The following ATP6V1G1 variants were observed in gnomAD, a reference collection of about 807,000 sequenced individuals.
ATP6V1G1 encodes the protein V-type proton ATPase subunit G 1.
ATP6V1G1 carries 14 observed loss-of-function variants against 14.2 expected under a neutral mutation model. The ratio of observed to expected loss-of-function variants is 0.99; its 90% CI spans 0.65 to 1.55. The LOEUF is 1.55. Ranked by LOEUF, ATP6V1G1 falls within the 40% of genes most tolerant of loss-of-function variation. The pLI is 0.00. For missense variants in ATP6V1G1, 137 were observed against 146.4 expected, an observed-to-expected ratio of 0.94 and a Z score of 0.33; for synonymous variants, 65 against 53.3, an observed-to-expected ratio of 1.22 and a Z score of -0.96.
intron 2 of ATP6V1G1, among the ~76,000 whole-genome samples, chr9:114,594,950 C>T (rs139808834): frequency 0.018 from 2,695 of 150,834 alleles, 34 homozygotes; most frequent in Non-Finnish European, 0.029. Context: ...TCCCCCACCT[C>T]CCAGGTTCAA....
chr9:114,588,241 A>T, intron 1 of ATP6V1G1: 1 of 295,016 alleles, frequency 3.4e-6, no homozygotes, highest in Non-Finnish European at 6.3e-6. Context: ...TGGGGTGGTC[A>T]GTCTCGGTGA....
At chr9:114,588,966 C>T (rs1052604326) in intron 1 of ATP6V1G1, among the ~76,000 whole-genome samples, 3 of 152,198 alleles carry the variant, frequency 2.0e-5, no homozygotes, top group Admixed American at 6.5e-5. Flanking sequence ...TTTCCTCCAG[C>T]TATACTGAAT....
intron 2 of ATP6V1G1, 68 bp from the exon 3 acceptor site, chr9:114,597,502 C>T (rs755632481): frequency 3.9e-5 from 54 of 1,375,696 alleles, no homozygotes; most frequent in Admixed American, 8.8e-5. Context: ...AAGTAGCTTA[C>T]GAAATGTACC....
At chr9:114,589,164 C>T (rs192644719) in intron 1 of ATP6V1G1, among the ~76,000 whole-genome samples, 1 of 152,206 alleles carries the variant, frequency 6.6e-6, no homozygotes, top group Non-Finnish European at 1.5e-5. Context: ...GCTTGTCCCC[C>T]GGACTAGGCT....
chr9:114,591,550 C>A (rs1845182184), intron 1 of ATP6V1G1, among the ~76,000 whole-genome samples: 1 of 151,950 alleles, frequency 6.6e-6, no homozygotes, highest in African/African-American at 2.4e-5. Flanking sequence ...AGAAATAGTT[C>A]TTGGAGTTTT....
At chr9:114,590,380 C>T (rs1237706300) in intron 1 of ATP6V1G1, among the ~76,000 whole-genome samples, 1 of 151,494 alleles carries the variant, frequency 6.6e-6, no homozygotes, top group Non-Finnish European at 1.5e-5. Flanking sequence ...CCTCAGGCTC[C>T]CAAGTAGCTG....
chr9:114,595,294 T>A (rs1394481207), intron 2 of ATP6V1G1, among the ~76,000 whole-genome samples: 2 of 152,140 alleles, frequency 1.3e-5, no homozygotes, highest in Non-Finnish European at 2.9e-5. Flanking sequence ...AAAGAATGAG[T>A]TAGCAACTGA....
intron 1 of ATP6V1G1, among the ~76,000 whole-genome samples, chr9:114,589,382 T>A (rs545412715): frequency 6.6e-6 from 1 of 152,350 alleles, no homozygotes; most frequent in Non-Finnish European, 1.5e-5. Context: ...GATTTATCCA[T>A]ACCCTGGGAA....
intron 1 of ATP6V1G1, among the ~76,000 whole-genome samples, chr9:114,590,702 G>A (rs950501534): frequency 5.9e-5 from 9 of 151,986 alleles, no homozygotes; most frequent in African/African-American, 1.9e-4. Context: ...GGAAGAGGCA[G>A]TATATAAAAT....
chr9:114,594,962 T>C lies in ATP6V1G1; in HGVS notation c.183+2310T>C, dbSNP rs551982668. The stretch of plus-strand genomic sequence containing the variant: ...GCATCCCCCACCTCCCAGGTTCAAG[T>C]GATTCTCCTGCCTCAGCCTCCCAAG... On this transcript the variant is annotated intron_variant, in intron 2 of 2. Coordinates refer to ENST00000374050, the MANE Select transcript of ATP6V1G1 (RefSeq NM_004888.4). Among the ~76,000 whole-genome samples, 7 of 149,906 alleles carry C rather than the reference T, an allele frequency of 4.7e-5. No individual in the cohort carries two copies. In the South Asian group the frequency reaches 6.3e-4, roughly 14 times the overall value.
chr9:114,596,583 A>AAACACTTAAGTTCT (rs1845240963), intron 2 of ATP6V1G1, among the ~76,000 whole-genome samples: 1 of 152,118 alleles, frequency 6.6e-6, no homozygotes, highest in Non-Finnish European at 1.5e-5. Flanking sequence ...ACACTAACCA[A>AAACACTTAAGTTCT]TAATGGTGAA....
intron 1 of ATP6V1G1, among the ~76,000 whole-genome samples, chr9:114,589,717 G>GT (rs1225010875): frequency 3.3e-5 from 5 of 152,164 alleles, no homozygotes; most frequent in African/African-American, 1.2e-4. Context: ...TGGCTCATCA[G>GT]TAACAGAAGT....
chr9:114,590,215 A>C (rs964839810), intron 1 of ATP6V1G1, among the ~76,000 whole-genome samples: 5 of 148,486 alleles, frequency 3.4e-5, no homozygotes, highest in African/African-American at 1.2e-4. Context: ...AAAAAAAAAC[A>C]AAAAACAAAC....
At chr9:114,596,755 G>A (rs1295207509) in intron 2 of ATP6V1G1, among the ~76,000 whole-genome samples, 1 of 152,028 alleles carries the variant, frequency 6.6e-6, no homozygotes, top group African/African-American at 2.4e-5. Flanking sequence ...CACCACGACT[G>A]GCTTGTGTTT....
chr9:114,591,566 A>G (rs996285606), intron 1 of ATP6V1G1, among the ~76,000 whole-genome samples: 1 of 152,174 alleles, frequency 6.6e-6, no homozygotes, highest in Middle Eastern at 3.2e-3. Context: ...GTTTTGAGAG[A>G]GAGACCTGTT....
intron 1 of ATP6V1G1, among the ~76,000 whole-genome samples, chr9:114,589,924 G>T (rs1052211059): frequency 1.1e-4 from 17 of 152,162 alleles, no homozygotes; most frequent in African/African-American, 3.9e-4. Context: ...TTGGCTGGGC[G>T]TGGTGGCTCA....
At chr9:114,592,225 T>C (rs1845188989) in intron 1 of ATP6V1G1, among the ~76,000 whole-genome samples, 1 of 152,224 alleles carries the variant, frequency 6.6e-6, no homozygotes, top group South Asian at 2.1e-4. Flanking sequence ...GTTCCCTAGA[T>C]GGTTAATGTT....
chr9:114,594,870 T>C (rs1380392304), intron 2 of ATP6V1G1, among the ~76,000 whole-genome samples: 1 of 148,750 alleles, frequency 6.7e-6, no homozygotes, highest in African/African-American at 2.5e-5. Flanking sequence ...TCTTTTTTTT[T>C]TTTTTTTTGA....
At position 114,598,488 on chromosome 9, in the gene ATP6V1G1, T is replaced by C. The variant is rs937707271; in HGVS notation, c.*745T>C. ...GTCTGCAGAACTTCACTTAGGACATTAGCACACAAATAGCACACATATCAC... is the reference window on the plus strand; with the variant it reads ...GTCTGCAGAACTTCACTTAGGACATCAGCACACAAATAGCACACATATCAC... On this transcript the variant is annotated 3_prime_UTR_variant, in exon 3 of 3. Transcript: ENST00000374050. 9 of 152,480 alleles carry C rather than the reference T, an allele frequency of 5.9e-5. No homozygotes were observed. Among genetic ancestry groups the C allele is most frequent in the Admixed American group, 5.9e-4 (9 of 15,272 alleles). The allele number at this position is 152,480 out of a possible 1,614,324, so 9.4% of individuals were successfully genotyped here. A position where few individuals can be genotyped will look rare whatever the true frequency, so the allele number is the denominator to read the frequency against.
Sources: allele counts gnomAD v4.1 joint callset (sites outside exome capture counted in the v4.1 genomes callset), GRCh38; gene constraint gnomAD v4.1.1; transcripts MANE v1.5; gene names NCBI Gene and HGNC (gene_info 2026-07-23, HGNC 2026-07-21).